SPDYA: variants seen among roughly 807,000 people sequenced by gnomAD.
SPDYA encodes speedy/RINGO cell cycle regulator family member A.
In SPDYA, 11 loss-of-function variants were observed where a neutral mutation model predicts 36.7. That is an observed-to-expected ratio of 0.30 (90% CI 0.19 to 0.50). SPDYA has a LOEUF of 0.50. SPDYA is among the 20% of genes least tolerant of loss of function. The probability of loss-of-function intolerance (pLI) is 0.98; values close to 1 mark genes in which losing one functional copy is unlikely to be tolerated. For missense variants in SPDYA, 287 were observed against 370.9 expected, an observed-to-expected ratio of 0.77 and a Z score of 1.86; for synonymous variants, 115 against 118.7, an observed-to-expected ratio of 0.97 and a Z score of 0.20.
intron 3 of SPDYA, 80 bp from the exon 4 acceptor site, chr2:28,818,968 A>G: frequency 2.7e-6 from 3 of 1,128,468 alleles, no homozygotes; most frequent in Non-Finnish European, 3.9e-6. Flanking sequence ...ACCATGTATA[A>G]TCTCTTGACA....
At chr2:28,846,722 T>TACAC (rs58731880) in intron 7 of SPDYA, among the ~76,000 whole-genome samples, 13,604 of 126,280 alleles carry the variant, frequency 0.11, 775 homozygotes, top group East Asian at 0.23. Flanking sequence ...AGAAGAAAAC[T>TACAC]ACACACACAC....
chr2:28,849,861 CATCA>C lies in SPDYA; in HGVS notation c.868_871del (p.Ser290IlefsTer9). The C allele has an allele frequency of 6.4e-7, 1 of 1,560,016 alleles. No individual in the cohort carries two copies. Among genetic ancestry groups the C allele is most frequent in the South Asian group, 1.2e-5 (1 of 84,452 alleles). On this transcript the variant is annotated frameshift_variant, in exon 8 of 8. Transcript: ENST00000334056. LOFTEE classifies it high-confidence loss of function. ...ATATTTTATTTCAGTAGTCAATGAC[CATCA>C]ATCAAATAAAGGAAAGAAAACTAAT...
intron 7 of SPDYA, 49 bp downstream of exon 7, chr2:28,840,518 G>A (rs13006361): frequency 0.031 from 50,320 of 1,598,978 alleles, 936 homozygotes; most frequent in Non-Finnish European, 0.038. Context: ...GTTGTTTACT[G>A]AGCTCTAGTC....
intron 6 of SPDYA, among the ~76,000 whole-genome samples, chr2:28,832,715 T>C (rs1668506382): frequency 6.6e-6 from 1 of 152,130 alleles, no homozygotes; most frequent in Non-Finnish European, 1.5e-5. Flanking sequence ...TTTCTTATAT[T>C]TGTACCTTGA....
At chr2:28,846,191 G>A (rs1429775815) in intron 7 of SPDYA, among the ~76,000 whole-genome samples, 1 of 152,130 alleles carries the variant, frequency 6.6e-6, no homozygotes, top group Non-Finnish European at 1.5e-5. Context: ...GATCACTTGA[G>A]GTCAGGAGCT....
intron 6 of SPDYA, among the ~76,000 whole-genome samples, chr2:28,833,686 C>A (rs886492549): frequency 6.6e-6 from 1 of 152,096 alleles, no homozygotes; most frequent in Non-Finnish European, 1.5e-5. Flanking sequence ...TGAAGCCGAA[C>A]CTCTGGTTTA....
At chr2:28,846,062 T>C (rs1463519711) in intron 7 of SPDYA, among the ~76,000 whole-genome samples, 1 of 152,054 alleles carries the variant, frequency 6.6e-6, no homozygotes, top group Non-Finnish European at 1.5e-5. Flanking sequence ...CTATATACTA[T>C]GTATACCTAA....
chr2:28,840,104 G>C (rs747145238), intron 6 of SPDYA, 68 bp from the exon 7 acceptor site: 176 of 1,415,902 alleles, frequency 1.2e-4, no homozygotes, highest in Admixed American at 2.0e-4. Flanking sequence ...TGAGTTATAA[G>C]TTTTGAACTC....
At chr2:28,846,237 T>C (rs1297043171) in intron 7 of SPDYA, among the ~76,000 whole-genome samples, 5 of 152,076 alleles carry the variant, frequency 3.3e-5, no homozygotes, top group Non-Finnish European at 5.9e-5. Flanking sequence ...AAACCCCATC[T>C]CTACTAAAAA....
chr2:28,823,661 T>A (rs2148083536), intron 5 of SPDYA, among the ~76,000 whole-genome samples: 1 of 134,348 alleles, frequency 7.4e-6, no homozygotes, highest in African/African-American at 2.7e-5. Flanking sequence ...TTTCCTTTTC[T>A]ACCCTATAGC....
intron 6 of SPDYA, among the ~76,000 whole-genome samples, chr2:28,839,428 CAT>C (rs1391512415): frequency 2.0e-5 from 3 of 152,204 alleles, no homozygotes; most frequent in African/African-American, 7.2e-5. Context: ...TCTTATTCAC[CAT>C]ATCTCTTGTC....
At position 28,840,348 on chromosome 2, in the gene SPDYA, T is replaced by A. The variant is rs1553316668; in HGVS notation, c.729T>A (p.Ser243=). The stretch of plus-strand genomic sequence containing the variant: ...GAAGATATGTTAGACTGGGATTGTC[T>A]TCATCATCATCTTTATCCAGTCATA... ...KKRRYVRLGL[S]SSSSLSSHTA... Residue 243 remains serine, a synonymous_variant, in exon 7 of 8, where the codon TCT becomes TCA. Coordinates refer to ENST00000334056, the MANE Select transcript of SPDYA (RefSeq NM_182756.4). 1.5e-5 allele frequency: 24 copies of A among 1,610,902 alleles called. 1 individual carries two copies. The South Asian group carries it at 2.3e-4, about 16-fold the overall frequency.
rs546173123 is a variant in SPDYA at position 28,844,699 on chromosome 2, C to T, written c.850+4230C>T. Among the ~76,000 whole-genome samples the T allele has an allele frequency of 6.6e-5, 10 of 152,036 alleles. No individual in the cohort carries two copies. The South Asian group carries it at 1.9e-3, about 28-fold the overall frequency. On this transcript the variant is annotated intron_variant, in intron 7 of 7. Transcript: ENST00000334056. Reference sequence around the variant, plus strand: ...CTGTAATCCCAACACTTTGGGAGGCCGAGGCGGGTGGATCACCTGAGGTCA... The same window carrying T: ...CTGTAATCCCAACACTTTGGGAGGCTGAGGCGGGTGGATCACCTGAGGTCA...
At chr2:28,828,355 G>A (rs1200805227) in intron 5 of SPDYA, among the ~76,000 whole-genome samples, 1 of 151,864 alleles carries the variant, frequency 6.6e-6, no homozygotes, top group Non-Finnish European at 1.5e-5. Context: ...TTTCTATTGT[G>A]TCTTCAATTC....
At chr2:28,816,548 T>C (rs1667987292) in intron 3 of SPDYA, among the ~76,000 whole-genome samples, 1 of 152,194 alleles carries the variant, frequency 6.6e-6, no homozygotes, top group Non-Finnish European at 1.5e-5. Context: ...ATGAGTTTTA[T>C]TTGACCTAAA....
chr2:28,843,843 AACT>A lies in SPDYA; in HGVS notation c.850+3379_850+3381del, dbSNP rs550335395. ...ATATAACATATTTTTATAATAACTAAACTACTATTGTTTCTCCTTACTGTATGC... is the reference window on the plus strand; with the variant it reads ...ATATAACATATTTTTATAATAACTAAACTATTGTTTCTCCTTACTGTATGC... On this transcript the variant is annotated intron_variant, in intron 7 of 7. Transcript: ENST00000334056. 1.3e-3 allele frequency among the ~76,000 whole-genome samples: 204 copies of A among 152,266 alleles called. 1 individual carries two copies. The highest frequency in any genetic ancestry group is 2.4e-3 in the Non-Finnish European group (160 of 68,028).
intron 6 of SPDYA, among the ~76,000 whole-genome samples, chr2:28,834,994 A>G (rs1004530905): frequency 1.3e-5 from 2 of 152,136 alleles, no homozygotes; most frequent in African/African-American, 4.8e-5. Flanking sequence ...TATCTTGTTA[A>G]TAAATTTCCT....
In SPDYA at chr2:28,823,702, AATATATATATATATATAT is replaced by A. The variant is rs1160889916; in HGVS notation, c.380+1318_380+1335del. Among the ~76,000 whole-genome samples, 350 of 49,224 alleles carry A rather than the reference AATATATATATATATATAT, an allele frequency of 7.1e-3. 10 individuals are homozygous for A. Among genetic ancestry groups the A allele is most frequent in the Middle Eastern group, 0.026 (1 of 38 alleles). 32.3% of individuals were successfully genotyped at this position (49,224 alleles called of 152,430 possible). A position where few individuals can be genotyped will look rare whatever the true frequency, so the allele number is the denominator to read the frequency against. On this transcript the variant is annotated intron_variant, in intron 5 of 7. Transcript: ENST00000334056. ...ATAATGCTGTAGTTGGGAATGCATG[AATATATATATATATATAT>A]ATATATATATATATATATATATATA...
chr2:28,822,883 G>A (rs2148082584), intron 5 of SPDYA, among the ~76,000 whole-genome samples: 1 of 152,288 alleles, frequency 6.6e-6, no homozygotes, highest in Admixed American at 6.5e-5. Context: ...TGGGATTACA[G>A]GTGTGAGCCA....
Sources: allele counts gnomAD v4.1 joint callset (sites outside exome capture counted in the v4.1 genomes callset), GRCh38; gene constraint gnomAD v4.1.1; transcripts MANE v1.5; gene names NCBI Gene and HGNC (gene_info 2026-07-23, HGNC 2026-07-21).